The following WWP2 variants were observed in gnomAD, a reference collection of about 807,000 sequenced individuals.
The protein encoded by WWP2 is NEDD4-like E3 ubiquitin-protein ligase WWP2.
Under a neutral mutation model 121.0 loss-of-function variants are expected in WWP2, and 57 were observed. That is an observed-to-expected ratio of 0.47 (90% confidence interval 0.38 to 0.59). The LOEUF (loss-of-function observed/expected upper bound fraction) is 0.59, where lower values mean the gene tolerates loss of function less well. WWP2 is among the 20% of genes least tolerant of loss of function. WWP2 has a pLI of 0.00. For synonymous variants in WWP2, 449 were observed against 441.3 expected (o/e 1.02, Z -0.22); for missense variants, 962 against 1,158.9 (o/e 0.83, Z 2.47).
At chr16:69,785,146 T>C (rs762668154) in intron 1 of WWP2, among the ~76,000 whole-genome samples, 1 of 150,822 alleles carries the variant, frequency 6.6e-6, no homozygotes, top group Non-Finnish European at 1.5e-5. Context: ...GGCACGAGAA[T>C]CACTTCAACT....
At chr16:69,884,302 G>T (rs1567405766) in intron 7 of WWP2, among the ~76,000 whole-genome samples, 1 of 152,134 alleles carries the variant, frequency 6.6e-6, no homozygotes, top group Non-Finnish European at 1.5e-5. Context: ...ACTAACTCCA[G>T]CCAAGGATGG....
At chr16:69,927,751 T>A (rs2058659713) in intron 11 of WWP2, among the ~76,000 whole-genome samples, 1 of 152,244 alleles carries the variant, frequency 6.6e-6, no homozygotes, top group African/African-American at 2.4e-5. Flanking sequence ...TCCTTCTGTG[T>A]GTTCTGAGGT....
At chr16:69,828,154 G>T (rs989455345) in intron 4 of WWP2, 6 of 335,306 alleles carry the variant, frequency 1.8e-5, no homozygotes, top group African/African-American at 1.1e-4. Flanking sequence ...GAGAAATAAG[G>T]GTGGTCCTGG....
At chr16:69,839,607 T>C (rs1303168848) in intron 4 of WWP2, among the ~76,000 whole-genome samples, 1 of 152,200 alleles carries the variant, frequency 6.6e-6, no homozygotes, top group Non-Finnish European at 1.5e-5. Context: ...AACTTTTTTT[T>C]CCTTATTTCA....
At position 69,842,126 on chromosome 16, in the gene WWP2, A is replaced by AC. The variant is rs745986193; in HGVS notation, c.575+12dup. 1.2e-5 allele frequency: 19 copies of AC among 1,610,896 alleles called. No homozygotes were observed. Among genetic ancestry groups the AC allele is most frequent in the Admixed American group, 3.4e-5 (2 of 59,682 alleles). ...TGCTTTGGTGGAAGATCCCGGTAAG[A>AC]CCCCCCTTGGTGAGGACAAAGAGCT... is the stretch of plus-strand genomic sequence containing the variant. On this transcript the variant is annotated splice_region_variant and intron_variant, in intron 6 of 23. Transcript: ENST00000359154.
intron 8 of WWP2, among the ~76,000 whole-genome samples, chr16:69,894,504 C>T (rs1308483560): frequency 6.6e-6 from 1 of 152,204 alleles, no homozygotes; most frequent in East Asian, 1.9e-4. Context: ...ACAGCACTCC[C>T]CATCCCTTTT....
chr16:69,806,606 C>A (rs2056280246), intron 4 of WWP2, among the ~76,000 whole-genome samples: 1 of 151,626 alleles, frequency 6.6e-6, no homozygotes, highest in African/African-American at 2.4e-5. Context: ...CTGGTTTGTT[C>A]AGCTTCTTTG....
chr16:69,925,000 G>C (rs951830649), intron 10 of WWP2: 1 of 991,602 alleles, frequency 1.0e-6, no homozygotes, highest in African/African-American at 1.7e-5. Flanking sequence ...CCCCTCCTGC[G>C]TGTGGTTCTT....
chr16:69,920,588 G>A (rs1270547435), intron 10 of WWP2, among the ~76,000 whole-genome samples: 1 of 151,576 alleles, frequency 6.6e-6, no homozygotes, highest in Non-Finnish European at 1.5e-5. Context: ...GTTTCACATG[G>A]TTTTTGTCTA....
intron 8 of WWP2, among the ~76,000 whole-genome samples, 160 bp downstream of exon 8, chr16:69,888,409 C>G (rs2057966449): frequency 6.6e-6 from 1 of 152,178 alleles, no homozygotes; most frequent in Admixed American, 6.5e-5. Flanking sequence ...ACTGCTTGTT[C>G]TACATAAATC....
At chr16:69,846,105 A>G (rs1273920573) in intron 6 of WWP2, among the ~76,000 whole-genome samples, 3 of 149,994 alleles carry the variant, frequency 2.0e-5, no homozygotes, top group Non-Finnish European at 4.4e-5. Context: ...GGAAGCCAGC[A>G]TGGGACTGCC....
intron 6 of WWP2, 82 bp from the exon 7 acceptor site, chr16:69,871,722 G>A: frequency 1.3e-6 from 2 of 1,569,452 alleles, no homozygotes; most frequent in East Asian, 2.3e-5. Flanking sequence ...CAGGAGAAGG[G>A]AATATGATGA....
At chr16:69,783,857 A>T (rs1056465900) in intron 1 of WWP2, among the ~76,000 whole-genome samples, 1 of 152,048 alleles carries the variant, frequency 6.6e-6, no homozygotes, top group African/African-American at 2.4e-5. Context: ...CAGGAGGCCA[A>T]GGTGAGAGGA....
intron 8 of WWP2, among the ~76,000 whole-genome samples, chr16:69,903,642 C>T (rs1340218121): frequency 6.6e-6 from 1 of 151,948 alleles, no homozygotes; most frequent in Non-Finnish European, 1.5e-5. Context: ...GTGGCGCATA[C>T]CTGTAGTCCC....
intron 4 of WWP2, among the ~76,000 whole-genome samples, chr16:69,828,729 C>T (rs2056745854): frequency 6.6e-6 from 1 of 152,118 alleles, no homozygotes; most frequent in South Asian, 2.1e-4. Context: ...TTGAACTCCT[C>T]ACCTCAGGTG....
At chr16:69,791,668 A>T (rs2055913942) in intron 2 of WWP2, among the ~76,000 whole-genome samples, 1 of 152,180 alleles carries the variant, frequency 6.6e-6, no homozygotes. Context: ...TTAGGCATAC[A>T]CTACCATACT....
chr16:69,843,365 A>C (rs2057014693), intron 6 of WWP2, among the ~76,000 whole-genome samples: 2 of 152,104 alleles, frequency 1.3e-5, no homozygotes, highest in Non-Finnish European at 2.9e-5. Context: ...TTCCATGGCA[A>C]CTGAACGTCT....
At chr16:69,909,202 AG>A in intron 9 of WWP2, 2 of 1,016,312 alleles carry the variant, frequency 2.0e-6, no homozygotes, top group Non-Finnish European at 1.2e-6. Context: ...AGGATGAGAG[AG>A]GCTTCCAAGA....
intron 1 of WWP2, among the ~76,000 whole-genome samples, chr16:69,764,329 C>G (rs1210599865): frequency 6.6e-6 from 1 of 152,170 alleles, no homozygotes; most frequent in Non-Finnish European, 1.5e-5. Context: ...GCCTCCCAAA[C>G]AGCTGGGACT....
Sources: allele counts gnomAD v4.1 joint callset (sites outside exome capture counted in the v4.1 genomes callset), GRCh38; gene constraint gnomAD v4.1.1; transcripts MANE v1.5; gene names NCBI Gene and HGNC (gene_info 2026-07-23, HGNC 2026-07-21).